Variants in KLHL5 observed in about 807,000 individuals in gnomAD.
The protein encoded by KLHL5 is kelch like family member 5.
In KLHL5, 48 loss-of-function variants were observed where a neutral mutation model predicts 77.7. The ratio of observed to expected loss-of-function variants is 0.62; its 90% CI spans 0.49 to 0.79. The LOEUF (loss-of-function observed/expected upper bound fraction) is 0.79. Among genes scored for constraint, KLHL5 ranks in the 30% least tolerant of loss-of-function variants. The pLI, the probability that KLHL5 is intolerant of heterozygous loss-of-function variation, is 0.00. For synonymous variants in KLHL5, 260 were observed against 297.0 expected (o/e 0.88, Z 1.28); for missense variants, 723 against 859.7 (o/e 0.84, Z 1.99).
chr4:39,067,910 TGAGCTCAA>T (rs1455336626), intron 1 of KLHL5, among the ~76,000 whole-genome samples: 3 of 152,088 alleles, frequency 2.0e-5, no homozygotes, highest in Non-Finnish European at 4.4e-5. Flanking sequence ...CTCAAACTCC[TGAGCTCAA>T]GTGATCTGTC....
At chr4:39,138,087 TAC>T in the KLHL5 span, among the ~76,000 whole-genome samples, 2 of 151,872 alleles carry the variant, frequency 1.3e-5, no homozygotes, top group Non-Finnish European at 2.9e-5. Flanking sequence ...GGAGCACTTA[TAC>T]ACTGAAGTGC....
intron 1 of KLHL5, among the ~76,000 whole-genome samples, chr4:39,064,894 A>T (rs1717744732): frequency 6.6e-6 from 1 of 152,162 alleles, no homozygotes; most frequent in African/African-American, 2.4e-5. Flanking sequence ...GAAGTTGTTT[A>T]AAAAATGCTA....
chr4:39,097,869 G>A (rs1221847316), intron 6 of KLHL5, among the ~76,000 whole-genome samples: 2 of 152,064 alleles, frequency 1.3e-5, no homozygotes, highest in African/African-American at 2.4e-5. Context: ...TGTGGCTCAC[G>A]CCTGTAATCT....
In KLHL5 at chr4:39,124,802, CAAAAAAAAAAA is replaced by C. The variant is rs71643268; in HGVS notation, c.*3750_*3760del. Among the ~76,000 whole-genome samples, 65 of 44,126 alleles carry C rather than the reference CAAAAAAAAAAA, an allele frequency of 1.5e-3. No individual in the cohort carries two copies. Among genetic ancestry groups the C allele is most frequent in the African/African-American group, 3.9e-3 (53 of 13,562 alleles). 28.9% of individuals were successfully genotyped at this position (44,126 alleles called of 152,430 possible). A position where few individuals can be genotyped will look rare whatever the true frequency, so the allele number is the denominator to read the frequency against. On this transcript the variant is annotated 3_prime_UTR_variant, in exon 11 of 11. Coordinates refer to ENST00000504108, the MANE Select transcript of KLHL5 (RefSeq NM_015990.5). ...GCACCAAAAGCACAAGCAACAACAGCAAAAAAAAAAAAAAAAAAAAAAAATCAAAATTAAAA... is the reference window on the plus strand; with the variant it reads ...GCACCAAAAGCACAAGCAACAACAGCAAAAAAAAAAAAATCAAAATTAAAA...
intron 8 of KLHL5, 66 bp from the exon 9 acceptor site, chr4:39,112,954 A>C: frequency 2.2e-6 from 3 of 1,360,092 alleles, no homozygotes; most frequent in Non-Finnish European, 3.1e-6. Flanking sequence ...CAACATAAGA[A>C]GAGCCTCTTT....
chr4:39,119,041 C>A (rs1486732419), intron 10 of KLHL5, among the ~76,000 whole-genome samples: 1 of 151,960 alleles, frequency 6.6e-6, no homozygotes, highest in Non-Finnish European at 1.5e-5. Context: ...TGAATGACAC[C>A]CAAGGAGCTC....
exon 1 of KLHL5, chr4:39,045,050 C>A (rs1412571355): frequency 4.0e-6 from 4 of 992,550 alleles, no homozygotes; most frequent in Non-Finnish European, 1.2e-6. Flanking sequence ...TCCCGCCTGG[C>A]CGCCCCGGCC....
chr4:39,139,790 G>A, the KLHL5 span, among the ~76,000 whole-genome samples: 1 of 152,178 alleles, frequency 6.6e-6, no homozygotes, highest in African/African-American at 2.4e-5. Context: ...TGCCAAAGAT[G>A]CATAATCTGG....
At chr4:39,059,143 G>A (rs74981891), upstream of KLHL5, among the ~76,000 whole-genome samples, 1 of 152,104 alleles carries the variant, frequency 6.6e-6, no homozygotes, top group African/African-American at 2.4e-5. Flanking sequence ...TATATTGTTG[G>A]TGAAAGTTGT....
At chr4:39,072,047 T>G (rs980173142) in intron 1 of KLHL5, among the ~76,000 whole-genome samples, 1 of 152,160 alleles carries the variant, frequency 6.6e-6, no homozygotes, top group Non-Finnish European at 1.5e-5. Context: ...TCCCAGATAT[T>G]TGTGTTGTGG....
intron 9 of KLHL5, among the ~76,000 whole-genome samples, chr4:39,114,123 T>G (rs938883129): frequency 1.3e-5 from 2 of 152,170 alleles, no homozygotes; most frequent in Non-Finnish European, 2.9e-5. Context: ...CTTAGTCTGT[T>G]TCCCATTGCT....
Position 39,121,398 on chromosome 4 carries a change from TC to T in KLHL5, c.*334del, listed in dbSNP as rs1723203023. ...TTCAGTCAAGCACATCTTACTCACA[TC>T]CAGATTTATTTTCCTACAGTGCAAA... On this transcript the variant is annotated 3_prime_UTR_variant, in exon 11 of 11. Coordinates refer to ENST00000504108, the MANE Select transcript of KLHL5 (RefSeq NM_015990.5). The T allele has an allele frequency of 4.0e-6, 1 of 248,430 alleles. No homozygotes were observed. The highest frequency in any genetic ancestry group is 5.3e-5 in the Admixed American group (1 of 18,816). 15.4% of individuals were successfully genotyped at this position (248,430 alleles called of 1,614,324 possible). A position where few individuals can be genotyped will look rare whatever the true frequency, so the allele number is the denominator to read the frequency against.
intron 1 of KLHL5, among the ~76,000 whole-genome samples, chr4:39,055,756 A>AG (rs1401363241): frequency 6.6e-6 from 1 of 152,200 alleles, no homozygotes; most frequent in African/African-American, 2.4e-5. Flanking sequence ...GCTATATCTT[A>AG]GCTTATCATA....
chr4:39,095,648 C>G (rs1720996586), intron 5 of KLHL5, among the ~76,000 whole-genome samples: 1 of 151,244 alleles, frequency 6.6e-6, no homozygotes, highest in South Asian at 2.1e-4. Flanking sequence ...TATGTACATA[C>G]TGAAACAAAA....
Position 39,096,898 on chromosome 4 carries a change from T to C in KLHL5, c.1300+20T>C, listed in dbSNP as rs1044167421. On this transcript the variant is annotated intron_variant, in intron 6 of 10. Transcript: ENST00000504108. The stretch of plus-strand genomic sequence containing the variant: ...CAAAAGGTATCAAATAATCTTTTAT[T>C]TGGGGAGGGAGGACCAGAGAAAAAG... 1.3e-6 allele frequency: 2 copies of C among 1,582,916 alleles called. No individual in the cohort carries two copies. The highest frequency in any genetic ancestry group is 1.7e-5 in the Admixed American group (1 of 59,532).
downstream of KLHL5, among the ~76,000 whole-genome samples, chr4:39,131,360 G>T (rs1342632417): frequency 3.9e-5 from 6 of 152,082 alleles, no homozygotes; most frequent in African/African-American, 1.4e-4. Context: ...TAAAAGAAAT[G>T]GAATATTTTA....
intron 5 of KLHL5, among the ~76,000 whole-genome samples, chr4:39,088,509 GTTCTGTGCCTTGTCCACTAAACCA>G (rs1355838920): frequency 2.0e-5 from 3 of 152,190 alleles, no homozygotes; most frequent in African/African-American, 7.2e-5. Flanking sequence ...CCCAAGTACA[GTTCTGTGCCTTGTCCACTAAACCA>G]TTCTGCCTCT....
At chr4:39,138,884 A>G in the KLHL5 span, among the ~76,000 whole-genome samples, 1 of 152,260 alleles carries the variant, frequency 6.6e-6, no homozygotes, top group East Asian at 1.9e-4. Context: ...AGATGTTTAC[A>G]TCGTTTTAAA....
chr4:39,091,669 AAAC>A (rs1720562814), intron 5 of KLHL5, among the ~76,000 whole-genome samples: 2 of 151,552 alleles, frequency 1.3e-5, no homozygotes, highest in African/African-American at 2.4e-5. Flanking sequence ...CTTGATACTA[AAAC>A]AACTTTTTTT....
Sources: allele counts gnomAD v4.1 joint callset (sites outside exome capture counted in the v4.1 genomes callset), GRCh38; gene constraint gnomAD v4.1.1; transcripts MANE v1.5; gene names NCBI Gene and HGNC (gene_info 2026-07-23, HGNC 2026-07-21).